MYO3A: variants seen among roughly 807,000 people sequenced by gnomAD.
The protein encoded by MYO3A is myosin IIIA.
A neutral mutation model predicts 192.7 loss-of-function variants in MYO3A; 180 were observed. That is an observed-to-expected ratio of 0.93 (90% confidence interval 0.83 to 1.06). The LOEUF (loss-of-function observed/expected upper bound fraction) is 1.06, where lower values mean the gene tolerates loss of function less well. Ranked by LOEUF, MYO3A falls within the 50% of genes least tolerant of loss-of-function variation. The probability of loss-of-function intolerance (pLI) is 0.00; values close to 1 mark genes in which losing one functional copy is unlikely to be tolerated. For missense variants in MYO3A, 1,896 were observed against 1,905.0 expected, an observed-to-expected ratio of 1.00 and a Z score of 0.09; for synonymous variants, 628 against 645.3, an observed-to-expected ratio of 0.97 and a Z score of 0.41.
intron 7 of MYO3A, among the ~76,000 whole-genome samples, chr10:26,018,774 T>TG (rs1382733498): frequency 1.3e-5 from 2 of 152,156 alleles, no homozygotes; most frequent in Non-Finnish European, 2.9e-5. Context: ...TAAGGCAAAC[T>TG]GGGACATAGA....
intron 17 of MYO3A, among the ~76,000 whole-genome samples, chr10:26,104,778 GCT>G (rs985487353): frequency 6.6e-6 from 1 of 151,212 alleles, no homozygotes; most frequent in Non-Finnish European, 1.5e-5. Context: ...ATCTACATCT[GCT>G]CTCTTTCTCC....
intron 15 of MYO3A, among the ~76,000 whole-genome samples, chr10:26,089,556 A>G (rs1836564056): frequency 6.6e-6 from 1 of 151,788 alleles, no homozygotes; most frequent in Admixed American, 6.6e-5. Flanking sequence ...AACCGAGATC[A>G]TGCCACTTCA....
intron 14 of MYO3A, among the ~76,000 whole-genome samples, chr10:26,085,681 G>A (rs1836261974): frequency 6.6e-6 from 1 of 152,230 alleles, no homozygotes; most frequent in Non-Finnish European, 1.5e-5. Flanking sequence ...GGCCCTCTGA[G>A]AGCAGAGTGC....
At chr10:26,045,469 A>G (rs190679927) in intron 10 of MYO3A, among the ~76,000 whole-genome samples, 183 of 152,364 alleles carry the variant, frequency 1.2e-3, no homozygotes, top group African/African-American at 4.4e-3. Flanking sequence ...TTCCTGGTCC[A>G]TAACTTCCAT....
At chr10:26,128,596 T>A in intron 20 of MYO3A, 58 bp downstream of exon 20, 1 of 1,524,008 alleles carries the variant, frequency 6.6e-7, no homozygotes, top group Non-Finnish European at 9.0e-7. Context: ...GGCAGACTTG[T>A]ACAAATGAAG....
chr10:26,194,279 C>T (rs1843294742), intron 32 of MYO3A, among the ~76,000 whole-genome samples: 1 of 152,140 alleles, frequency 6.6e-6, no homozygotes. Flanking sequence ...TTTAATGGCT[C>T]AGCAACTCCT....
intron 2 of MYO3A, among the ~76,000 whole-genome samples, chr10:25,938,063 A>G (rs1163897636): frequency 2.6e-5 from 4 of 152,188 alleles, no homozygotes; most frequent in African/African-American, 9.7e-5. Context: ...TACAGGGCAA[A>G]TTTAATTTTT....
At chr10:26,183,598 G>C (rs1011562779) in intron 31 of MYO3A, among the ~76,000 whole-genome samples, 3 of 152,072 alleles carry the variant, frequency 2.0e-5, no homozygotes, top group African/African-American at 7.2e-5. Context: ...TTAATTCAAA[G>C]TACCCAAATC....
At chr10:26,109,754 T>C (rs956867725) in intron 17 of MYO3A, among the ~76,000 whole-genome samples, 3 of 152,210 alleles carry the variant, frequency 2.0e-5, no homozygotes, top group African/African-American at 7.2e-5. Context: ...AGAGACTCTT[T>C]CCTGGCTACT....
rs567199386 is a variant in MYO3A, at chr10:26,092,211, T to G, written c.1562+3806T>G. 3.3e-4 allele frequency among the ~76,000 whole-genome samples: 51 copies of G among 152,332 alleles called. No homozygotes were observed. In the Middle Eastern group the frequency reaches 0.01, roughly 30 times the overall value. The stretch of plus-strand genomic sequence containing the variant: ...GGCCGGGTGCGGTGGCTCACGCCTG[T>G]AATCCCAGCACTTTGGGAGGCCGAG... On this transcript the variant is annotated intron_variant, in intron 15 of 34. Coordinates refer to ENST00000642920, the MANE Select transcript of MYO3A (RefSeq NM_017433.5).
At chr10:26,183,705 G>A (rs1023441015) in intron 31 of MYO3A, among the ~76,000 whole-genome samples, 2 of 152,162 alleles carry the variant, frequency 1.3e-5, no homozygotes, top group Non-Finnish European at 2.9e-5. Flanking sequence ...GGAAGAGAAA[G>A]GCCACGGGAG....
chr10:26,163,971 G>C (rs1444728874), intron 26 of MYO3A, among the ~76,000 whole-genome samples: 4 of 152,172 alleles, frequency 2.6e-5, no homozygotes, highest in Non-Finnish European at 4.4e-5. Flanking sequence ...CTTGGAGAGA[G>C]CAAGACAGAA....
Position 26,026,480 on chromosome 10 carries a change from C to T in MYO3A, c.901C>T (p.Leu301=). The T allele has an allele frequency of 6.2e-7, 1 of 1,614,108 alleles. No individual in the cohort carries two copies. Among genetic ancestry groups the T allele is most frequent in the Non-Finnish European group, 8.5e-7 (1 of 1,180,002 alleles). ...CAAAGATGTGATGCTACAAAAACAACTAACGGAATTCATTGGCATCCATCA... is the reference window on the plus strand; with the variant it reads ...CAAAGATGTGATGCTACAAAAACAATTAACGGAATTCATTGGCATCCATCA... ...EGKDVMLQKQ[L]TEFIGIHQCM... The change falls in exon 10 of 35, where the codon CTA becomes TTA. Residue 301 remains leucine (L), a synonymous_variant. Coordinates refer to ENST00000642920, the MANE Select transcript of MYO3A (RefSeq NM_017433.5).
Position 26,170,516 on chromosome 10 carries a change from C to T in MYO3A, c.3375C>T (p.Tyr1125=), listed in dbSNP as rs753660569. The T allele has an allele frequency of 2.5e-6, 4 of 1,612,178 alleles. No individual in the cohort carries two copies. Among genetic ancestry groups the T allele is most frequent in the Non-Finnish European group, 3.4e-6 (4 of 1,179,150 alleles). Reference sequence around the variant, plus strand: ...AAACTTCTGATCAGGAATTCGACTACAAGAAAAACTTTGAAAATACAAGGT... The same window carrying T: ...AAACTTCTGATCAGGAATTCGACTATAAGAAAAACTTTGAAAATACAAGGT... ...TIQTSDQEFD[Y]KKNFENTRES... The change falls in exon 29 of 35, where the codon TAC becomes TAT. Residue 1125 remains tyrosine (Y), a synonymous_variant. Transcript: ENST00000642920.
intron 8 of MYO3A, chr10:26,021,968 C>G: frequency 3.1e-6 from 1 of 318,600 alleles, no homozygotes; most frequent in South Asian, 3.1e-5. Context: ...AGTCCATAGC[C>G]TGTGCAAGTG....
At chr10:26,156,088 T>C (rs1429613471) in intron 25 of MYO3A, among the ~76,000 whole-genome samples, 2 of 152,130 alleles carry the variant, frequency 1.3e-5, no homozygotes, top group African/African-American at 4.8e-5. Flanking sequence ...GCTTAGAGTA[T>C]CACCCCTGTA....
intron 20 of MYO3A, among the ~76,000 whole-genome samples, chr10:26,130,279 A>AT (rs1212417124): frequency 1.3e-5 from 2 of 151,580 alleles, no homozygotes; most frequent in East Asian, 1.9e-4. Flanking sequence ...TAATTTTTGC[A>AT]TTTTTTCATG....
rs1334714771 is a variant in MYO3A at position 26,211,853 on chromosome 10, G to A, written c.4741G>A (p.Ala1581Thr). 6 of 1,614,080 alleles carry A rather than the reference G, an allele frequency of 3.7e-6. No homozygotes were observed. The South Asian group carries it at 5.5e-5, about 15-fold the overall frequency. ...GGGTTTCACTTGCAGGTGCTGGGCG[G>A]CGGAGAGCCCCGAGAAGGAGGAGGA... is the stretch of plus-strand genomic sequence containing the variant. ...CIKANERCWA[A>T]ESPEKEEERE... Residue 1581 changes from alanine (A) to threonine (T), a missense_variant, in exon 35 of 35, where the codon GCG (alanine) becomes ACG (threonine). Coordinates refer to ENST00000642920, the MANE Select transcript of MYO3A (RefSeq NM_017433.5).
intron 30 of MYO3A, among the ~76,000 whole-genome samples, chr10:26,176,246 A>G (rs375409441): frequency 1.9e-4 from 29 of 151,710 alleles, no homozygotes; most frequent in African/African-American, 7.0e-4. Context: ...GTGAGCGGAG[A>G]TCGCACCACT....
Sources: gnomAD v4.1 joint callset for allele counts (sites outside exome capture counted in the v4.1 genomes callset) on GRCh38, gnomAD v4.1.1 for gene constraint, MANE v1.5 for transcripts, NCBI Gene and HGNC (gene_info 2026-07-23, HGNC 2026-07-21) for gene names.